The following SLC7A1 variants were observed in gnomAD, a reference collection of about 807,000 sequenced individuals.
SLC7A1 encodes high affinity cationic amino acid transporter 1.
In SLC7A1, 10 loss-of-function variants were observed where a neutral mutation model predicts 53.9. That is an observed-to-expected ratio of 0.19 (90% confidence interval 0.11 to 0.31). The LOEUF is 0.31. Ranked by LOEUF, SLC7A1 falls within the 10% of genes least tolerant of loss-of-function variation. The probability of loss-of-function intolerance (pLI) is 1.00; values close to 1 mark genes in which losing one functional copy is unlikely to be tolerated. For synonymous variants in SLC7A1, 342 were observed against 338.7 expected (o/e 1.01, Z -0.11); for missense variants, 525 against 827.2 (o/e 0.63, Z 4.48).
rs643986 is a variant in SLC7A1 at position 29,568,338 on chromosome 13, G to A, written c.-114-14478C>T. 3.5e-3 allele frequency among the ~76,000 whole-genome samples: 525 copies of A among 152,172 alleles called. 4 individuals are homozygous for A. Among genetic ancestry groups the A allele is most frequent in the African/African-American group, 0.012 (492 of 41,512 alleles). ...TTTAGGCAAATTTTTAAAAAACCAC[G>A]ACGATGTATTACTCTCATAAATGGA... On this transcript the variant is annotated intron_variant, in intron 1 of 12. Transcript: ENST00000380752.
intron 2 of SLC7A1, among the ~76,000 whole-genome samples, chr13:29,548,559 G>A (rs990822598): frequency 6.6e-6 from 1 of 152,222 alleles, no homozygotes; most frequent in African/African-American, 2.4e-5. Flanking sequence ...CAAAGGAAGA[G>A]CATCCATAAA....
intron 1 of SLC7A1, among the ~76,000 whole-genome samples, chr13:29,594,904 G>A (rs990974171): frequency 1.3e-5 from 2 of 152,024 alleles, no homozygotes; most frequent in South Asian, 2.1e-4. Flanking sequence ...CCGGGCGGCC[G>A]GGCAGAGTCC....
At chr13:29,524,571 C>G (rs913501386) in intron 5 of SLC7A1, among the ~76,000 whole-genome samples, 1 of 152,184 alleles carries the variant, frequency 6.6e-6, no homozygotes, top group Non-Finnish European at 1.5e-5. Flanking sequence ...GAGAAACCAG[C>G]CACGCGGCCA....
chr13:29,523,185 T>C, intron 7 of SLC7A1, 81 bp downstream of exon 7: 4 of 1,142,098 alleles, frequency 3.5e-6, no homozygotes, highest in Non-Finnish European at 5.2e-6. Context: ...GTGTCTCGCA[T>C]GGCTGTACCT....
rs750364014 is a variant in SLC7A1, at chr13:29,536,157, T to C, written c.32A>G (p.Gln11Arg). Residue 11 changes from glutamine (Q) to arginine (R), a missense_variant, in exon 3 of 13, where the codon CAG (glutamine) becomes CGG (arginine). Coordinates refer to ENST00000380752, the MANE Select transcript of SLC7A1 (RefSeq NM_003045.5). MGCKVLLNIG[Q>R]QMLRRKVVDC... is the part of the protein sequence containing the mutation. Reference sequence around the variant, plus strand: ...CACCACCTTCCGCCGCAGCATCTGCTGCCCAATGTTGAGCAGGACTTTGCA... The same window carrying C: ...CACCACCTTCCGCCGCAGCATCTGCCGCCCAATGTTGAGCAGGACTTTGCA... 455 of 1,613,806 alleles carry C rather than the reference T, an allele frequency of 2.8e-4. 1 individual carries two copies. Among genetic ancestry groups the C allele is most frequent in the Non-Finnish European group, 3.6e-4 (428 of 1,179,970 alleles).
rs769709903 is a variant in SLC7A1 at position 29,522,434 on chromosome 13, T to C, written c.1072A>G (p.Met358Val). The C allele has an allele frequency of 2.5e-6, 4 of 1,614,088 alleles. No individual in the cohort carries two copies. The highest frequency in any genetic ancestry group is 2.2e-5 in the East Asian group (1 of 44,868). ...SASLLGSMFPMPRVIYAMAED... is the reference protein window; with the variant it reads ...SASLLGSMFPVPRVIYAMAED... The stretch of plus-strand genomic sequence containing the variant: ...GCCATGGCATAGATAACCCGAGGCA[T>C]GGGAAACATGGAACCTAGAAGACTA... The change falls in exon 8 of 13, where the codon ATG becomes GTG. Residue 358 changes from methionine to valine, a missense_variant. By Grantham distance (21) the Met-to-Val change is conservative. Transcript: ENST00000380752.
chr13:29,519,126 C>T (rs1868505210), intron 9 of SLC7A1, among the ~76,000 whole-genome samples: 1 of 152,160 alleles, frequency 6.6e-6, no homozygotes, highest in Non-Finnish European at 1.5e-5. Flanking sequence ...GAATCTGAAC[C>T]AAGTTGCAAT....
intron 4 of SLC7A1, 64 bp downstream of exon 4, chr13:29,532,760 G>A: frequency 7.1e-7 from 1 of 1,417,510 alleles, no homozygotes; most frequent in African/African-American, 1.4e-5. Context: ...GAACTTAACA[G>A]GAGCCTCTCA....
chr13:29,565,011 CA>C (rs888664382), intron 1 of SLC7A1, among the ~76,000 whole-genome samples: 7 of 152,166 alleles, frequency 4.6e-5, no homozygotes, highest in South Asian at 2.1e-4. Context: ...TAAATGCAGC[CA>C]GGGGGAGCTG....
intron 1 of SLC7A1, among the ~76,000 whole-genome samples, chr13:29,577,893 C>T (rs74042344): frequency 7.4e-4 from 113 of 152,288 alleles, no homozygotes; most frequent in African/African-American, 2.5e-3. Context: ...AGGAGAACCA[C>T]GTTCTTCTGG....
At chr13:29,578,156 C>T (rs1871485894) in intron 1 of SLC7A1, among the ~76,000 whole-genome samples, 1 of 152,146 alleles carries the variant, frequency 6.6e-6, no homozygotes, top group Non-Finnish European at 1.5e-5. Flanking sequence ...TCCTTGCCAT[C>T]CCCAAACAAA....
At chr13:29,544,961 C>T (rs1366601706) in intron 2 of SLC7A1, among the ~76,000 whole-genome samples, 1 of 151,702 alleles carries the variant, frequency 6.6e-6, no homozygotes, top group Non-Finnish European at 1.5e-5. Context: ...TCCTTCTATG[C>T]CCCTGGCACC....
At chr13:29,537,891 G>A (rs1281807065) in intron 2 of SLC7A1, among the ~76,000 whole-genome samples, 1 of 152,154 alleles carries the variant, frequency 6.6e-6, no homozygotes, top group Admixed American at 6.5e-5. Flanking sequence ...CGTGCCTAAC[G>A]ACTTGAACAC....
At chr13:29,534,702 G>A (rs574602497) in intron 3 of SLC7A1, among the ~76,000 whole-genome samples, 7 of 152,270 alleles carry the variant, frequency 4.6e-5, no homozygotes, top group African/African-American at 1.4e-4. Flanking sequence ...GCCAGGGAGG[G>A]TGTGGTGGGG....
At chr13:29,533,351 T>G (rs571707139) in intron 3 of SLC7A1, among the ~76,000 whole-genome samples, 1 of 152,210 alleles carries the variant, frequency 6.6e-6, no homozygotes, top group African/African-American at 2.4e-5. Flanking sequence ...TAAACATTGA[T>G]GACAACTCAT....
At position 29,536,132 on chromosome 13, in the gene SLC7A1, C is replaced by T. The variant is rs773165257; in HGVS notation, c.57G>A (p.Val19=). ...IGQQMLRRKV[V]DCSREETRLS... is the part of the protein sequence containing the mutation. ...GCCGCGTCTCCTCCCGGCTACAGTC[C>T]ACCACCTTCCGCCGCAGCATCTGCT... Residue 19 remains valine (V), a synonymous_variant, in exon 3 of 13, where the codon GTG becomes GTA. Transcript: ENST00000380752. 1.9e-6 allele frequency: 3 copies of T among 1,613,982 alleles called. No homozygotes were observed. Among genetic ancestry groups the T allele is most frequent in the Non-Finnish European group, 2.5e-6 (3 of 1,180,012 alleles).
At chr13:29,523,150 G>T (rs912757878) in intron 7 of SLC7A1, 116 bp downstream of exon 7, 1 of 840,184 alleles carries the variant, frequency 1.2e-6, no homozygotes, top group Non-Finnish European at 2.0e-6. Flanking sequence ...CTATTTCAAG[G>T]GTAAAGAATG....
At chr13:29,541,383 C>T (rs1177830751) in intron 2 of SLC7A1, among the ~76,000 whole-genome samples, 4 of 152,142 alleles carry the variant, frequency 2.6e-5, no homozygotes, top group East Asian at 1.9e-4. Context: ...GGAAATTAAC[C>T]GTGGTCAGTG....
At chr13:29,586,085 T>C (rs1156277824) in intron 1 of SLC7A1, among the ~76,000 whole-genome samples, 1 of 152,184 alleles carries the variant, frequency 6.6e-6, no homozygotes, top group African/African-American at 2.4e-5. Context: ...AAAGACAACA[T>C]CTGATACTCT....
Sources: allele counts gnomAD v4.1 joint callset (sites outside exome capture counted in the v4.1 genomes callset), GRCh38; gene constraint gnomAD v4.1.1; transcripts MANE v1.5; gene names NCBI Gene and HGNC (gene_info 2026-07-23, HGNC 2026-07-21).